The following PER2 variants were observed in gnomAD, a reference collection of about 807,000 sequenced individuals.
The protein encoded by PER2 is period circadian protein homolog 2.
A neutral mutation model predicts 121.0 loss-of-function variants in PER2; 66 were observed. The ratio of observed to expected loss-of-function variants is 0.55; its 90% CI spans 0.45 to 0.67. The LOEUF is 0.67. Ranked by LOEUF, PER2 falls within the 30% of genes least tolerant of loss-of-function variation. The probability of loss-of-function intolerance (pLI) is 0.00; values close to 1 mark genes in which losing one functional copy is unlikely to be tolerated. For missense variants in PER2, 1,521 were observed against 1,635.0 expected (o/e 0.93, Z 1.20); for synonymous variants, 684 against 659.9 (o/e 1.04, Z -0.56).
intron 1 of PER2, among the ~76,000 whole-genome samples, chr2:238,287,833 A>C (rs923853578): frequency 1.3e-5 from 2 of 152,202 alleles, no homozygotes; most frequent in East Asian, 1.9e-4. Flanking sequence ...CTGAAGGGGG[A>C]AGCAGGCCAC....
intron 1 of PER2, among the ~76,000 whole-genome samples, chr2:238,278,748 G>A (rs938690062): frequency 2.0e-5 from 3 of 152,174 alleles, no homozygotes; most frequent in African/African-American, 7.2e-5. Flanking sequence ...GGTAAAGAGG[G>A]CAGAGGGGCC....
At chr2:238,269,862 T>TG (rs1322211996) in intron 6 of PER2, among the ~76,000 whole-genome samples, 1 of 152,258 alleles carries the variant, frequency 6.6e-6, no homozygotes, top group Non-Finnish European at 1.5e-5. Context: ...ACCCCACTTC[T>TG]GGGAAGGCCT....
Position 238,250,755 on chromosome 2 carries a change from A to G in PER2, c.3275-12T>C, listed in dbSNP as rs1398832179. The G allele has an allele frequency of 1.3e-6, 2 of 1,592,584 alleles. No homozygotes were observed. The highest frequency in any genetic ancestry group is 1.7e-5 in the Admixed American group (1 of 59,996). On this transcript the variant is annotated splice_polypyrimidine_tract_variant and intron_variant, in intron 20 of 22. Coordinates refer to ENST00000254657, the MANE Select transcript of PER2 (RefSeq NM_022817.3). ...TGTGTCACTACTGCCTTTAAAAACAAAAAACGTGGTGCGTCAAAACATTGA... is the reference window on the plus strand; with the variant it reads ...TGTGTCACTACTGCCTTTAAAAACAGAAAACGTGGTGCGTCAAAACATTGA...
At chr2:238,275,703 A>G (rs1696430955) in intron 4 of PER2, 40 bp downstream of exon 4, 1 of 1,599,306 alleles carries the variant, frequency 6.3e-7, no homozygotes, top group African/African-American at 1.3e-5. Context: ...TTTAAAACAT[A>G]TTTCTATAGG....
rs141480763 is a variant in PER2, at chr2:238,271,365, T to C, written c.719A>G (p.His240Arg). Residue 240 changes from histidine (H) to arginine (R), a missense_variant, in exon 6 of 23, where the codon CAC becomes CGC. By Grantham distance (29) the His-to-Arg change is conservative. Transcript: ENST00000254657. ...FLAPHDVGVF[H>R]SFTSPYKLPL... ...AAGCTTGTACGGGGAGGTGAAACTG[T>C]GGAACACGCCCACATCGTGAGGCGC... 8.1e-5 allele frequency: 131 copies of C among 1,614,212 alleles called. No homozygotes were observed. Among genetic ancestry groups the C allele is most frequent in the Non-Finnish European group, 1.1e-4 (124 of 1,180,032 alleles).
rs139338215 is a variant in PER2, at chr2:238,256,929, C to T, written c.2058G>A (p.Pro686=). The T allele has an allele frequency of 3.9e-5, 63 of 1,614,056 alleles. No individual in the cohort carries two copies. The highest frequency in any genetic ancestry group is 3.3e-4 in the Middle Eastern group (2 of 6,060). The change falls in exon 17 of 23, where the codon CCG becomes CCA. Residue 686 remains proline (P), a synonymous_variant. Transcript: ENST00000254657. The part of the protein sequence containing the change: ...IVHVGDKKPQ[P]ELEMVEDAAS... ...AAGAGCCCATAGTCATACCTAACTCCGGCTGCGGCTTCTTGTCTCCCACAT... is the reference window on the plus strand; with the variant it reads ...AAGAGCCCATAGTCATACCTAACTCTGGCTGCGGCTTCTTGTCTCCCACAT...
At chr2:238,294,043 C>T (rs527563094), upstream of PER2, among the ~76,000 whole-genome samples, 1 of 152,218 alleles carries the variant, frequency 6.6e-6, no homozygotes, top group South Asian at 2.1e-4. Flanking sequence ...CTGAGCTGAT[C>T]CCCCCCACAC....
intron 1 of PER2, among the ~76,000 whole-genome samples, chr2:238,285,979 C>A (rs1315106617): frequency 1.3e-5 from 2 of 152,076 alleles, no homozygotes; most frequent in Non-Finnish European, 2.9e-5. Flanking sequence ...TCCATGGCAA[C>A]GGTTGGGTAA....
Position 238,273,644 on chromosome 2 carries a change from C to T in PER2, c.449-453G>A, listed in dbSNP as rs185423827. Among the ~76,000 whole-genome samples the T allele has an allele frequency of 1.2e-4, 18 of 151,872 alleles. 1 individual carries two copies. In the East Asian group the frequency reaches 2.5e-3, roughly 21 times the overall value. On this transcript the variant is annotated intron_variant, in intron 4 of 22. Coordinates refer to ENST00000254657, the MANE Select transcript of PER2 (RefSeq NM_022817.3). ...CCAAGTAGCTGGGATTACAGGAACC[C>T]GCCACCACACCCAGCTAATTATTCT...
At chr2:238,291,048 G>A (rs1480663402), upstream of PER2, among the ~76,000 whole-genome samples, 1 of 152,230 alleles carries the variant, frequency 6.6e-6, no homozygotes, top group Non-Finnish European at 1.5e-5. Flanking sequence ...GCCCACACTG[G>A]CCAGCTGTCA....
At chr2:238,289,881 T>A (rs1696917428), upstream of PER2, 1 of 152,246 alleles carries the variant, frequency 6.6e-6, no homozygotes. Flanking sequence ...CGGGTCTGGG[T>A]AGAAGCCTGA....
intron 11 of PER2, among the ~76,000 whole-genome samples, 153 bp downstream of exon 11, chr2:238,262,038 C>T (rs1313086128): frequency 6.6e-6 from 1 of 152,110 alleles, no homozygotes; most frequent in Non-Finnish European, 1.5e-5. Context: ...TCACCCCTGC[C>T]TAGCAGTCTG....
Position 238,251,718 on chromosome 2 carries a change from G to A in PER2, c.3155C>T (p.Thr1052Met), listed in dbSNP as rs139755830. 4.7e-5 allele frequency: 76 copies of A among 1,613,862 alleles called. No individual in the cohort carries two copies. The Middle Eastern group carries it at 4.9e-4, about 11-fold the overall frequency. ...SDTQNSDALS[T>M]SSGLLNLLLN... The stretch of plus-strand genomic sequence containing the variant: ...CAGGAGGTTTAGGAGGCCGCTTGAC[G>A]TGGAAAGGGCGTCACTGTTCTGTGT... The change falls in exon 20 of 23, where the codon ACG (threonine) becomes ATG (methionine). Residue 1052 changes from threonine to methionine, a missense_variant. Transcript: ENST00000254657.
chr2:238,277,956 C>T lies in PER2; in HGVS notation c.-19-1G>A. 1 of 1,611,380 alleles carries T rather than the reference C, an allele frequency of 6.2e-7. No homozygotes were observed. Among genetic ancestry groups the T allele is most frequent in the African/African-American group, 1.3e-5 (1 of 75,034 alleles). On this transcript the variant is annotated splice_acceptor_variant, in intron 1 of 22. Transcript: ENST00000254657. LOFTEE classifies it low-confidence loss of function (5UTR_SPLICE). ...ATTCATGCTGGGCTCTGGAACGAAG[C>T]TGGCAAACAGAGGGATGCTGTCACG...
chr2:238,271,176 G>C (rs1000268289), intron 6 of PER2, 136 bp downstream of exon 6: 13 of 780,262 alleles, frequency 1.7e-5, no homozygotes, highest in Non-Finnish European at 3.0e-5. Context: ...ACCTTTGCCA[G>C]AGCAGGCAGC....
chr2:238,261,879 G>T (rs1187556076), intron 11 of PER2, 42 bp from the exon 12 acceptor site: 3 of 1,390,052 alleles, frequency 2.2e-6, no homozygotes, highest in Non-Finnish European at 1.0e-6. Context: ...GGCCCCACAG[G>T]AGGACCTCTC....
chr2:238,246,120 T>G lies in PER2; in HGVS notation c.*255A>C. The G allele has an allele frequency of 4.1e-6, 1 of 246,844 alleles. No homozygotes were observed. The highest frequency in any genetic ancestry group is 8.0e-5 in the East Asian group (1 of 12,520). The allele number at this position is 246,844 out of a possible 1,614,324, so 15.3% of individuals were successfully genotyped here. A position where few individuals can be genotyped will look rare whatever the true frequency, so the allele number is the denominator to read the frequency against. ...AGTCTTTCTCAAGTTAAATAACAAC[T>G]AAAATCTCTTCCCCATCCCACAAAA... On this transcript the variant is annotated 3_prime_UTR_variant, in exon 23 of 23. Transcript: ENST00000254657.
chr2:238,266,150 A>G lies in PER2; in HGVS notation c.968-560T>C, dbSNP rs184417518. Among the ~76,000 whole-genome samples the G allele has an allele frequency of 4.8e-3, 723 of 152,022 alleles. 5 individuals are homozygous for G. The highest frequency in any genetic ancestry group is 7.0e-3 in the African/African-American group (290 of 41,488). On this transcript the variant is annotated intron_variant, in intron 8 of 22. Transcript: ENST00000254657. ...GATCTCCTGACCTCGTGATCCGCCC[A>G]CCTTGGCCTCCCAAAGTGCTGGGAC...
intron 9 of PER2, 102 bp from the exon 10 acceptor site, chr2:238,263,160 AC>A (rs1695988150): frequency 2.7e-6 from 2 of 734,154 alleles, no homozygotes; most frequent in Non-Finnish European, 2.4e-6. Context: ...TACACTCCAA[AC>A]CCCACCCCCT....
Sources: gnomAD v4.1 joint callset for allele counts (sites outside exome capture counted in the v4.1 genomes callset) on GRCh38, gnomAD v4.1.1 for gene constraint, MANE v1.5 for transcripts, NCBI Gene and HGNC (gene_info 2026-07-23, HGNC 2026-07-21) for gene names.